Variants in STK10 observed in about 807,000 individuals in gnomAD.
The protein encoded by STK10 is serine/threonine-protein kinase 10.
STK10 carries 78 observed loss-of-function variants against 113.8 expected under a neutral mutation model. The observed-to-expected ratio is 0.69, with a 90% CI of 0.57 to 0.83. STK10 has a LOEUF of 0.83. Ranked by LOEUF, STK10 falls within the 40% of genes least tolerant of loss-of-function variation. STK10 has a pLI of 0.00. For synonymous variants in STK10, 465 were observed against 494.7 expected, an observed-to-expected ratio of 0.94 and a Z score of 0.80; for missense variants, 1,109 against 1,280.1, an observed-to-expected ratio of 0.87 and a Z score of 2.04.
intron 3 of STK10, among the ~76,000 whole-genome samples, chr5:172,126,925 C>T (rs1440020806): frequency 1.3e-5 from 2 of 152,138 alleles, no homozygotes; most frequent in East Asian, 3.9e-4. Context: ...CAAGGACACA[C>T]GGCTTCTGGA....
intron 7 of STK10, among the ~76,000 whole-genome samples, chr5:172,098,107 G>A (rs1391892909): frequency 6.6e-6 from 1 of 152,168 alleles, no homozygotes; most frequent in African/African-American, 2.4e-5. Context: ...AATTTATCCG[G>A]GGAGGAAGTG....
intron 10 of STK10, among the ~76,000 whole-genome samples, chr5:172,086,810 C>T (rs768688455): frequency 3.9e-5 from 6 of 152,210 alleles, no homozygotes; most frequent in Non-Finnish European, 8.8e-5. Context: ...TGCCGAGCAC[C>T]TCTTCACCTC....
In STK10 at chr5:172,127,407, G is replaced by A. The variant is rs760900307; in HGVS notation, c.336C>T (p.Phe112=). The A allele has an allele frequency of 6.2e-7, 1 of 1,613,878 alleles. No homozygotes were observed. Among genetic ancestry groups the A allele is most frequent in the South Asian group, 1.1e-5 (1 of 91,070 alleles). ...HDGKLWIMIE[F]CPGGAVDAIM... ...TGGCGTCCACGGCTCCCCCTGGACA[G>A]AACTCAATCATGATCTGCAGAAAAC... The change falls in exon 3 of 19, where the codon TTC becomes TTT. Residue 112 remains phenylalanine, a synonymous_variant. Coordinates refer to ENST00000176763, the MANE Select transcript of STK10 (RefSeq NM_005990.4).
At chr5:172,118,010 CA>C (rs57672334) in intron 3 of STK10, among the ~76,000 whole-genome samples, 18,649 of 69,602 alleles carry the variant, frequency 0.27, 850 homozygotes, top group Middle Eastern at 0.3. Context: ...TACTCCATCT[CA>C]AAAAAAAAAA....
intron 2 of STK10, among the ~76,000 whole-genome samples, chr5:172,155,663 G>T (rs1770333303): frequency 6.6e-6 from 1 of 151,952 alleles, no homozygotes; most frequent in Admixed American, 6.6e-5. Flanking sequence ...GAAGGGCACA[G>T]TCAGAAGATG....
At chr5:172,186,214 C>T (rs1323451264) in intron 1 of STK10, among the ~76,000 whole-genome samples, 1 of 152,054 alleles carries the variant, frequency 6.6e-6, no homozygotes, top group East Asian at 1.9e-4. Context: ...GTGGAGGTTG[C>T]AGTGAGGGCC....
intron 17 of STK10, 107 bp downstream of exon 17, chr5:172,054,462 T>C: frequency 6.7e-7 from 1 of 1,499,868 alleles, no homozygotes; most frequent in African/African-American, 1.4e-5. Flanking sequence ...CGGGCGTGTC[T>C]GATGAAGATC....
intron 4 of STK10, among the ~76,000 whole-genome samples, chr5:172,108,950 A>G (rs971682744): frequency 6.6e-6 from 1 of 151,864 alleles, no homozygotes; most frequent in African/African-American, 2.4e-5. Context: ...ATGCCCAGCT[A>G]ATTTTTGTAT....
At position 172,134,714 on chromosome 5, in the gene STK10, G is replaced by A. The variant is rs151176591; in HGVS notation, c.322-7293C>T. On this transcript the variant is annotated intron_variant, in intron 2 of 18. Transcript: ENST00000176763. ...ACTTGAGCCCAGGAGTTTGAGACCA[G>A]CCTGGGCAACATAGGGAGACCTCAT... Among the ~76,000 whole-genome samples the A allele has an allele frequency of 9.2e-3, 1,322 of 143,218 alleles. 25 individuals are homozygous for A. Among genetic ancestry groups the A allele is most frequent in the African/African-American group, 0.033 (1,257 of 38,288 alleles). 94.0% of individuals were successfully genotyped at this position (143,218 alleles called of 152,430 possible).
chr5:172,061,424 C>T (rs556157239), intron 13 of STK10, 156 bp from the exon 14 acceptor site: 28 of 1,017,166 alleles, frequency 2.8e-5, no homozygotes, highest in South Asian at 8.8e-5. Flanking sequence ...GACTTAGAGA[C>T]GCATCAACCA....
intron 14 of STK10, among the ~76,000 whole-genome samples, chr5:172,058,424 G>A (rs1767852455): frequency 1.3e-5 from 2 of 152,160 alleles, no homozygotes; most frequent in South Asian, 4.1e-4. Context: ...GGTTTATCTT[G>A]CTTAACTGCA....
rs540386414 is a variant in STK10 at position 172,120,020 on chromosome 5, T to C, written c.371-2390A>G. ...GAGGAAAGCTGCTCAATGGACAGAT[T>C]AGGGAGGTGGAGCTGGCGGAATGTG... On this transcript the variant is annotated intron_variant, in intron 3 of 18. Coordinates refer to ENST00000176763, the MANE Select transcript of STK10 (RefSeq NM_005990.4). The surrounding 1 kb of genome is among the most constrained non-coding windows in gnomAD (Gnocchi z 4.0). Among the ~76,000 whole-genome samples the C allele has an allele frequency of 2.0e-5, 3 of 151,922 alleles. No homozygotes were observed. Among genetic ancestry groups the C allele is most frequent in the Non-Finnish European group, 4.4e-5 (3 of 67,946 alleles).
intron 1 of STK10, among the ~76,000 whole-genome samples, chr5:172,184,913 G>GGCC (rs1275014377): frequency 6.6e-6 from 1 of 151,958 alleles, no homozygotes. Context: ...CACCCGCCTC[G>GGCC]GCCTCCTGAA....
intron 1 of STK10, among the ~76,000 whole-genome samples, chr5:172,176,415 C>T (rs937515660): frequency 1.3e-5 from 2 of 152,208 alleles, no homozygotes; most frequent in African/African-American, 4.8e-5. Flanking sequence ...CACCTCACTC[C>T]CTCAGCTCTG....
chr5:172,101,416 A>G (rs1272262572), intron 7 of STK10, among the ~76,000 whole-genome samples: 2 of 151,678 alleles, frequency 1.3e-5, no homozygotes, highest in Non-Finnish European at 2.9e-5. Context: ...GGCTGCGGTA[A>G]GCCAAGATAG....
At chr5:172,172,204 G>C (rs1056132344) in intron 1 of STK10, among the ~76,000 whole-genome samples, 5 of 151,940 alleles carry the variant, frequency 3.3e-5, no homozygotes, top group African/African-American at 7.2e-5. Flanking sequence ...AAAACAAACA[G>C]TATGGCATGC....
chr5:172,108,033 T>C, intron 4 of STK10, 181 bp from the exon 5 acceptor site: 1 of 575,864 alleles, frequency 1.7e-6, no homozygotes, highest in Non-Finnish European at 3.1e-6. Context: ...AGATGAACAC[T>C]TTCCTCTCTA....
chr5:172,064,414 G>A, intron 13 of STK10: 1 of 428,872 alleles, frequency 2.3e-6, no homozygotes, highest in South Asian at 2.9e-5. Flanking sequence ...GGTTGGTCAA[G>A]GAGATGTGAC....
At chr5:172,115,058 T>C (rs1044955221) in intron 4 of STK10, 8 of 152,316 alleles carry the variant, frequency 5.3e-5, no homozygotes, top group Admixed American at 5.2e-4. Flanking sequence ...CCGCAATTTT[T>C]TTTTCTGGCC....
Sources: allele counts gnomAD v4.1 joint callset (sites outside exome capture counted in the v4.1 genomes callset), GRCh38; gene constraint gnomAD v4.1.1; non-coding constraint Gnocchi (gnomAD v3.1); transcripts MANE v1.5; gene names NCBI Gene and HGNC (gene_info 2026-07-23, HGNC 2026-07-21).